Variants in VAT1L observed in about 807,000 individuals in gnomAD.
VAT1L encodes the protein vesicle amine transport 1 like.
Under a neutral mutation model 44.1 loss-of-function variants are expected in VAT1L, and 34 were observed. That is an observed-to-expected ratio of 0.77 (90% CI 0.59 to 1.03). The LOEUF is 1.03. VAT1L is among the 50% of genes least tolerant of loss of function. VAT1L has a pLI of 0.00. For synonymous variants in VAT1L, 253 were observed against 202.2 expected (o/e 1.25, Z -2.13); for missense variants, 615 against 538.8 (o/e 1.14, Z -1.40).
intron 7 of VAT1L, among the ~76,000 whole-genome samples, chr16:77,934,041 G>C (rs763246843): frequency 6.6e-6 from 1 of 152,176 alleles, no homozygotes; most frequent in African/African-American, 2.4e-5. Context: ...TGTTCTGCTA[G>C]AGGGAGGAGT....
intron 7 of VAT1L, among the ~76,000 whole-genome samples, chr16:77,965,496 A>G (rs1396714117): frequency 6.6e-6 from 1 of 152,150 alleles, no homozygotes; most frequent in Non-Finnish European, 1.5e-5. Context: ...CTTGAATGAC[A>G]TGACTCAGAT....
intron 3 of VAT1L, among the ~76,000 whole-genome samples, chr16:77,849,696 A>G (rs918541860): frequency 6.6e-6 from 1 of 152,158 alleles, no homozygotes; most frequent in Non-Finnish European, 1.5e-5. Context: ...AGAACTAAAC[A>G]TCCCAGTAGG....
chr16:77,888,814 T>C (rs745527413), intron 7 of VAT1L, among the ~76,000 whole-genome samples: 25 of 152,204 alleles, frequency 1.6e-4, no homozygotes, highest in Non-Finnish European at 2.8e-4. Context: ...GAAGCCACGA[T>C]GGCAAAGACA....
intron 4 of VAT1L, among the ~76,000 whole-genome samples, chr16:77,865,043 G>C (rs528121180): frequency 6.9e-6 from 1 of 145,426 alleles, no homozygotes; most frequent in African/African-American, 2.6e-5. Flanking sequence ...GTGCAATCTC[G>C]GCTCATTGCA....
chr16:77,798,137 A>G (rs979547897), intron 1 of VAT1L, among the ~76,000 whole-genome samples: 6 of 152,136 alleles, frequency 3.9e-5, no homozygotes, highest in African/African-American at 1.4e-4. Context: ...ACAGAACCCA[A>G]AGCCAAAGCA....
chr16:77,968,186 G>T (rs552660700), intron 7 of VAT1L, among the ~76,000 whole-genome samples: 1 of 152,156 alleles, frequency 6.6e-6, no homozygotes, highest in Non-Finnish European at 1.5e-5. Flanking sequence ...AGCTTAGTTG[G>T]TCCTTTGATT....
chr16:77,977,145 G>C (rs926495623), intron 8 of VAT1L, among the ~76,000 whole-genome samples: 2 of 152,112 alleles, frequency 1.3e-5, no homozygotes, highest in Non-Finnish European at 2.9e-5. Flanking sequence ...CAGAAACTGC[G>C]TGGGGTGCAG....
chr16:77,846,787 C>A (rs773587357), intron 3 of VAT1L, among the ~76,000 whole-genome samples: 1 of 152,014 alleles, frequency 6.6e-6, no homozygotes, highest in Non-Finnish European at 1.5e-5. Context: ...TTTGTCATTA[C>A]CCACAATAAT....
intron 2 of VAT1L, among the ~76,000 whole-genome samples, chr16:77,819,386 T>C (rs1038577194): frequency 3.3e-5 from 5 of 152,064 alleles, no homozygotes; most frequent in Non-Finnish European, 7.4e-5. Flanking sequence ...TTCTTTTTTT[T>C]TTCTTTTTCT....
At chr16:77,789,468 T>A (rs74026864) in intron 1 of VAT1L, among the ~76,000 whole-genome samples, 33 of 152,050 alleles carry the variant, frequency 2.2e-4, no homozygotes, top group Admixed American at 1.7e-3. Context: ...GGCCGGGAAT[T>A]TGATACATGA....
intron 7 of VAT1L, among the ~76,000 whole-genome samples, chr16:77,933,267 G>A (rs1029337191): frequency 6.6e-6 from 1 of 152,180 alleles, no homozygotes; most frequent in African/African-American, 2.4e-5. Flanking sequence ...GCATGGTAGA[G>A]TAACTTGTCC....
intron 7 of VAT1L, among the ~76,000 whole-genome samples, chr16:77,933,651 G>A (rs72796729): frequency 6.6e-6 from 1 of 152,052 alleles, no homozygotes; most frequent in Non-Finnish European, 1.5e-5. Flanking sequence ...GAGGTGATCT[G>A]AGGAGAAGAG....
chr16:77,833,982 T>G (rs1385012776), intron 3 of VAT1L, among the ~76,000 whole-genome samples: 1 of 152,260 alleles, frequency 6.6e-6, no homozygotes, highest in South Asian at 2.1e-4. Context: ...CCCCAGGTGA[T>G]TGCAGCAGCT....
At chr16:77,934,000 C>T (rs1045446495) in intron 7 of VAT1L, among the ~76,000 whole-genome samples, 3 of 152,038 alleles carry the variant, frequency 2.0e-5, no homozygotes, top group African/African-American at 7.2e-5. Flanking sequence ...TCTTAAGGTT[C>T]CTTTTCTATT....
intron 7 of VAT1L, among the ~76,000 whole-genome samples, chr16:77,942,676 T>C (rs1330992399): frequency 6.6e-6 from 1 of 152,216 alleles, no homozygotes; most frequent in Non-Finnish European, 1.5e-5. Context: ...GTCACTTACA[T>C]GTGCAGATAG....
At chr16:77,853,781 A>C (rs2016829850) in intron 3 of VAT1L, among the ~76,000 whole-genome samples, 1 of 152,174 alleles carries the variant, frequency 6.6e-6, no homozygotes, top group Non-Finnish European at 1.5e-5. Flanking sequence ...AATGAATAAA[A>C]GAGAAAAAAA....
chr16:77,975,995 C>T (rs1300192291), intron 8 of VAT1L, among the ~76,000 whole-genome samples: 1 of 152,210 alleles, frequency 6.6e-6, no homozygotes, highest in Non-Finnish European at 1.5e-5. Context: ...GCTGCTACTT[C>T]AAAGAGCCAT....
intron 7 of VAT1L, among the ~76,000 whole-genome samples, chr16:77,885,820 A>G (rs1029305082): frequency 5.3e-5 from 8 of 152,272 alleles, no homozygotes; most frequent in East Asian, 1.9e-4. Context: ...CCCAAATCCA[A>G]TGGCTTCTCT....
intron 7 of VAT1L, among the ~76,000 whole-genome samples, chr16:77,920,750 G>T (rs1184966886): frequency 6.6e-6 from 1 of 152,104 alleles, no homozygotes; most frequent in Non-Finnish European, 1.5e-5. Context: ...ATTCAGTCCA[G>T]TAACATGCTG....
Sources: gnomAD v4.1 joint callset for allele counts (sites outside exome capture counted in the v4.1 genomes callset) on GRCh38, gnomAD v4.1.1 for gene constraint, MANE v1.5 for transcripts, NCBI Gene and HGNC (gene_info 2026-07-23, HGNC 2026-07-21) for gene names.